Variants in PAPLN observed in about 807,000 individuals in gnomAD.
PAPLN encodes the protein papilin, proteoglycan like sulfated glycoprotein, also known as papilin.
Under a neutral mutation model 159.0 loss-of-function variants are expected in PAPLN, and 146 were observed. The ratio of observed to expected loss-of-function variants is 0.92; its 90% confidence interval spans 0.80 to 1.05. The LOEUF is 1.05. PAPLN is among the 50% of genes least tolerant of loss of function. PAPLN has a pLI of 0.00. For missense variants in PAPLN, 1,720 were observed against 1,743.9 expected (o/e 0.99, Z 0.24); for synonymous variants, 734 against 702.9 (o/e 1.04, Z -0.70).
At chr14:73,260,585 T>TCCC in intron 16 of PAPLN, 124 bp from the exon 17 acceptor site, 1 of 1,247,566 alleles carries the variant, frequency 8.0e-7, no homozygotes, top group Non-Finnish European at 1.0e-6. Context: ...CGGGGACACG[T>TCCC]CCTCTCCCCC....
At chr14:73,254,144 CT>C (rs1885620629) in intron 12 of PAPLN, among the ~76,000 whole-genome samples, 183 bp downstream of exon 12, 2 of 152,202 alleles carry the variant, frequency 1.3e-5, no homozygotes, top group South Asian at 4.1e-4. Flanking sequence ...GTCCAGGGCT[CT>C]TCCTTTTTCT....
At chr14:73,252,237 C>G in intron 10 of PAPLN, 96 bp downstream of exon 10, 1 of 1,450,330 alleles carries the variant, frequency 6.9e-7, no homozygotes, top group Non-Finnish European at 9.1e-7. Flanking sequence ...TCAAGGCAGT[C>G]CCTCCTGGGG....
At chr14:73,264,794 A>G in intron 22 of PAPLN, 68 bp downstream of exon 22, 1 of 1,598,604 alleles carries the variant, frequency 6.3e-7, no homozygotes, top group Admixed American at 1.8e-5. Context: ...CTCAGTGGAT[A>G]AGGAGGGGAA....
upstream of PAPLN, among the ~76,000 whole-genome samples, chr14:73,237,041 G>C (rs897242378): frequency 6.6e-6 from 1 of 152,156 alleles, no homozygotes; most frequent in Non-Finnish European, 1.5e-5. Context: ...GCTGACTACG[G>C]GTTTGAGAGG....
Position 73,254,702 on chromosome 14 carries a change from G to A in PAPLN, c.1485+7G>A. 13 of 1,612,118 alleles carry A rather than the reference G, an allele frequency of 8.1e-6. No homozygotes were observed. The highest frequency in any genetic ancestry group is 1.1e-5 in the Non-Finnish European group (13 of 1,178,700). ...TGTTGGCACCTGGGGTCTAGTGAGT[G>A]CTCTCCACCCCCACACCTGCTGCCT... On this transcript the variant is annotated splice_region_variant and intron_variant, in intron 13 of 26. Coordinates refer to ENST00000644200, the MANE Select transcript of PAPLN (RefSeq NM_001365906.3).
intron 26 of PAPLN, among the ~76,000 whole-genome samples, 198 bp downstream of exon 26, chr14:73,268,921 C>G (rs1188640040): frequency 6.6e-6 from 1 of 152,138 alleles, no homozygotes; most frequent in Admixed American, 6.6e-5. Flanking sequence ...GCTGCTCCAC[C>G]ACCTGAGAGG....
At chr14:73,241,006 G>T (rs1288132159) in intron 2 of PAPLN, among the ~76,000 whole-genome samples, 1 of 150,612 alleles carries the variant, frequency 6.6e-6, no homozygotes, top group Non-Finnish European at 1.5e-5. Flanking sequence ...TTCTGCCATG[G>T]GGAGGTCGGG....
intron 10 of PAPLN, 65 bp from the exon 11 acceptor site, chr14:73,252,584 G>T: frequency 3.2e-6 from 5 of 1,573,028 alleles, no homozygotes; most frequent in Non-Finnish European, 4.3e-6. Context: ...ATGGCGCCTG[G>T]CCCAGGGAAC....
chr14:73,266,613 C>A lies in PAPLN; in HGVS notation c.3376C>A (p.Gln1126Lys). 6.2e-7 allele frequency: 1 copy of A among 1,614,166 alleles called. No homozygotes were observed. Among genetic ancestry groups the A allele is most frequent in the South Asian group, 1.1e-5 (1 of 91,078 alleles). The part of the protein sequence containing the change: ...NGQDRDQRWV[Q>K]LRVLGELTIS... ...GCAGGACCGAGACCAGCGATGGGTCCAGCTCAGAGTTCTGGGTAAAGTGGC... is the reference window on the plus strand; with the variant it reads ...GCAGGACCGAGACCAGCGATGGGTCAAGCTCAGAGTTCTGGGTAAAGTGGC... Residue 1126 changes from glutamine (Q) to lysine (K), a missense_variant, in exon 24 of 27, where the codon CAG (glutamine) becomes AAG (lysine). Physicochemically the swap from Gln to Lys is moderately conservative, Grantham distance 53 (BLOSUM62 1). Coordinates refer to ENST00000644200, the MANE Select transcript of PAPLN (RefSeq NM_001365906.3).
Position 73,257,753 on chromosome 14 carries a change from C to CTTTTTTTTTTT in PAPLN, c.1628-1208_1628-1198dup, listed in dbSNP as rs562890068. ...GTTTTCATTATCTAGTCTCTTTCTT[C>CTTTTTTTTTTT]TTTTTTTTTTTTTTTTTTTTTTTTT... On this transcript the variant is annotated intron_variant, in intron 14 of 26. Transcript: ENST00000644200. 5.8e-3 allele frequency among the ~76,000 whole-genome samples: 530 copies of CTTTTTTTTTTT among 91,226 alleles called. 43 individuals are homozygous for CTTTTTTTTTTT. The highest frequency in any genetic ancestry group is 0.034 in the East Asian group (70 of 2,048). The allele number at this position is 91,226 out of a possible 152,430, so 59.8% of individuals were successfully genotyped here. A position where few individuals can be genotyped will look rare whatever the true frequency, so the allele number is the denominator to read the frequency against.
chr14:73,250,840 C>T (rs1467897460), intron 6 of PAPLN, 67 bp from the exon 7 acceptor site: 8 of 1,512,594 alleles, frequency 5.3e-6, no homozygotes, highest in African/African-American at 1.4e-5. Flanking sequence ...GGTTAGGATG[C>T]GACGGGGCCC....
intron 26 of PAPLN, 107 bp from the exon 27 acceptor site, chr14:73,272,388 G>C (rs1887819286): frequency 2.7e-6 from 3 of 1,100,640 alleles, no homozygotes; most frequent in Non-Finnish European, 3.8e-6. Context: ...TTTTCAATCT[G>C]GCAGTTATAA....
In PAPLN at chr14:73,261,273, T is replaced by C. The variant is rs755894801; in HGVS notation, c.2224T>C (p.Cys742Arg). The C allele has an allele frequency of 2.5e-6, 4 of 1,613,724 alleles. No homozygotes were observed. The highest frequency in any genetic ancestry group is 3.4e-6 in the Non-Finnish European group (4 of 1,179,978). The change falls in exon 18 of 27, where the codon TGT (cysteine) becomes CGT (arginine). Residue 742 changes from cysteine (C) to arginine (R), a missense_variant. Physicochemically the swap from Cys to Arg is radical, Grantham distance 180. Coordinates refer to ENST00000644200, the MANE Select transcript of PAPLN (RefSeq NM_001365906.3). ...TGCAGCCGGTCCTCTTGGGGAAGGC[T>C]GTGTGGGCCAGCCCAGCCATGGTGA... ...ATAAGPLGEG[C>R]VGQPSHAYPV...
At position 73,252,639 on chromosome 14, in the gene PAPLN, C is replaced by A; in HGVS notation, c.968-10C>A. 1 of 1,611,562 alleles carries A rather than the reference C, an allele frequency of 6.2e-7. No homozygotes were observed. The highest frequency in any genetic ancestry group is 8.5e-7 in the Non-Finnish European group (1 of 1,179,540). ...TGGCGTCTGCCCGCCATGGCTGGGCCTCTGCGCAGGTCACCAGTCCCGCCT... is the reference window on the plus strand; with the variant it reads ...TGGCGTCTGCCCGCCATGGCTGGGCATCTGCGCAGGTCACCAGTCCCGCCT... On this transcript the variant is annotated splice_polypyrimidine_tract_variant and intron_variant, in intron 10 of 26. Transcript: ENST00000644200.
Position 73,263,703 on chromosome 14 carries a change from C to A in PAPLN, c.2782C>A (p.Arg928=). The change falls in exon 20 of 27, where the codon CGG becomes AGG. Residue 928 remains arginine (R), a synonymous_variant. Transcript: ENST00000644200. ...LVQAALGQLV[R]LSCSDDTAPE... ...GCAGGCAGCCCTGGGGCAGTTGGTG[C>A]GGCTCTCCTGCTCAGACGACACTGC... 6.2e-7 allele frequency: 1 copy of A among 1,612,908 alleles called. No homozygotes were observed. Among genetic ancestry groups the A allele is most frequent in the Non-Finnish European group, 8.5e-7 (1 of 1,179,980 alleles).
At chr14:73,238,135 G>A (rs1413625648) in intron 1 of PAPLN, among the ~76,000 whole-genome samples, 1 of 152,212 alleles carries the variant, frequency 6.6e-6, no homozygotes, top group Non-Finnish European at 1.5e-5. Flanking sequence ...CGGGGGCCAC[G>A]GGGACGGGCG....
In PAPLN at chr14:73,252,144, G is replaced by A. The variant is rs377229109; in HGVS notation, c.967+3G>A. ...CTGCAGCGCGGAGTGTGGCGGAGGT[G>A]CGGGCGTGGATGGCCCAGGGGAGGG... On this transcript the variant is annotated splice_donor_region_variant and intron_variant, in intron 10 of 26. Transcript: ENST00000644200. The A allele has an allele frequency of 8.8e-6, 14 of 1,596,094 alleles. No homozygotes were observed. The African/African-American group carries it at 1.5e-4, about 17-fold the overall frequency.
chr14:73,266,375 GCTTAGCCT>G, intron 23 of PAPLN, 118 bp from the exon 24 acceptor site: 1 of 1,200,204 alleles, frequency 8.3e-7, no homozygotes, highest in Non-Finnish European at 1.1e-6. Context: ...ACTAGGGGAT[GCTTAGCCT>G]CTCACCAGGG....
rs1566688275 is a variant in PAPLN, at chr14:73,254,561, CG to C, written c.1355del (p.Gly452ValfsTer20). 1 of 1,614,008 alleles carries C rather than the reference CG, an allele frequency of 6.2e-7. No homozygotes were observed. Among genetic ancestry groups the C allele is most frequent in the South Asian group, 1.1e-5 (1 of 91,086 alleles). Reference sequence around the variant, plus strand: ...CGTCCGGAAGCGGAGCGTTACTTGCCGGGGTGAAAGGGGTTCTTTGCTCCAT... The same window carrying C: ...CGTCCGGAAGCGGAGCGTTACTTGCCGGGTGAAAGGGGTTCTTTGCTCCAT... ...VGVRKRSVTC[R>X]GERGSLLHTA... On this transcript the variant is annotated frameshift_variant, in exon 13 of 27. Transcript: ENST00000644200. LOFTEE classifies it high-confidence loss of function.
Sources: gnomAD v4.1 joint callset for allele counts (sites outside exome capture counted in the v4.1 genomes callset) on GRCh38, gnomAD v4.1.1 for gene constraint, MANE v1.5 for transcripts, NCBI Gene and HGNC (gene_info 2026-07-23, HGNC 2026-07-21) for gene names.